The following SAMTOR variants were observed in gnomAD, a reference collection of about 807,000 sequenced individuals.
SAMTOR encodes the protein S-adenosylmethionine sensor upstream of mTORC1, also known as UPF0532 protein C7orf60.
the SAMTOR span, chr7:112,832,788 T>C: frequency 3.2e-6 from 2 of 625,562 alleles, no homozygotes; most frequent in Non-Finnish European, 5.7e-6. Flanking sequence ...ATATAAAAAT[T>C]ACTGACGGCC....
chr7:112,916,677 T>C, the SAMTOR span, among the ~76,000 whole-genome samples: 5 of 152,110 alleles, frequency 3.3e-5, no homozygotes, highest in South Asian at 1.0e-3. Context: ...GTCAGGGAGT[T>C]CCCTTTCCTA....
At chr7:112,885,031 C>G in the SAMTOR span, among the ~76,000 whole-genome samples, 3 of 152,234 alleles carry the variant, frequency 2.0e-5, no homozygotes, top group Non-Finnish European at 4.4e-5. Context: ...AGGCTCAACA[C>G]CATGTGGAAG....
At chr7:112,929,747 T>C in the SAMTOR span, among the ~76,000 whole-genome samples, 1 of 152,024 alleles carries the variant, frequency 6.6e-6, no homozygotes, top group Non-Finnish European at 1.5e-5. Context: ...TGCAAAGAAG[T>C]ATGAGAAAAT....
chr7:112,906,820 T>C, the SAMTOR span, among the ~76,000 whole-genome samples: 39 of 152,276 alleles, frequency 2.6e-4, no homozygotes, highest in Non-Finnish European at 4.0e-4. Flanking sequence ...TCTGCCCACC[T>C]CGGCCTCCCA....
At chr7:112,917,114 G>A in the SAMTOR span, among the ~76,000 whole-genome samples, 6 of 152,216 alleles carry the variant, frequency 3.9e-5, no homozygotes, top group South Asian at 2.1e-4. Flanking sequence ...CTCCCAGCAC[G>A]CAGCTGGAGA....
At chr7:112,856,422 G>T in the SAMTOR span, among the ~76,000 whole-genome samples, 1 of 151,824 alleles carries the variant, frequency 6.6e-6, no homozygotes, top group African/African-American at 2.4e-5. Context: ...GCTAATTTTT[G>T]TATTTTTAGT....
the SAMTOR span, among the ~76,000 whole-genome samples, chr7:112,924,302 G>GT: frequency 1.7e-4 from 26 of 151,908 alleles, no homozygotes; most frequent in East Asian, 1.4e-3. Flanking sequence ...CATCTAAGAG[G>GT]TTTTTTTTAA....
At chr7:112,892,671 C>T in the SAMTOR span, among the ~76,000 whole-genome samples, 1 of 151,740 alleles carries the variant, frequency 6.6e-6, no homozygotes, top group African/African-American at 2.4e-5. Context: ...ACTGGGGAGG[C>T]TGAGGTGGGA....
the SAMTOR span, among the ~76,000 whole-genome samples, chr7:112,926,246 G>T: frequency 6.6e-6 from 1 of 152,044 alleles, no homozygotes; most frequent in African/African-American, 2.4e-5. Flanking sequence ...TGCTATGTGA[G>T]GCAACACAGG....
chr7:112,893,825 C>G, the SAMTOR span, among the ~76,000 whole-genome samples: 1 of 152,208 alleles, frequency 6.6e-6, no homozygotes, highest in African/African-American at 2.4e-5. Flanking sequence ...TGGCGTGAAC[C>G]TGGGAGGCGG....
At chr7:112,878,091 T>C in the SAMTOR span, among the ~76,000 whole-genome samples, 2 of 152,194 alleles carry the variant, frequency 1.3e-5, no homozygotes, top group African/African-American at 2.4e-5. Context: ...TGTTTTAGCA[T>C]GTAGCAGAAG....
the SAMTOR span, chr7:112,821,764 G>A: frequency 1.2e-6 from 2 of 1,602,044 alleles, no homozygotes; most frequent in Admixed American, 3.5e-5. Context: ...AGTAATATGG[G>A]GTCTTCTAGC....
At chr7:112,821,674 G>A in the SAMTOR span, 2 of 1,415,344 alleles carry the variant, frequency 1.4e-6, no homozygotes, top group Non-Finnish European at 1.9e-6. Context: ...CTGAGTTCAT[G>A]TTAGTATTTC....
At chr7:112,838,629 C>T in the SAMTOR span, among the ~76,000 whole-genome samples, 2 of 151,668 alleles carry the variant, frequency 1.3e-5, no homozygotes, top group East Asian at 1.9e-4. Context: ...AATAAAACCA[C>T]TATAAACTAA....
the SAMTOR span, among the ~76,000 whole-genome samples, chr7:112,878,051 G>A: frequency 1.3e-5 from 2 of 152,108 alleles, no homozygotes; most frequent in South Asian, 4.1e-4. Flanking sequence ...TGGCTAAACC[G>A]AAAATGGCTG....
the SAMTOR span, among the ~76,000 whole-genome samples, chr7:112,931,784 T>G: frequency 6.6e-6 from 1 of 152,158 alleles, no homozygotes; most frequent in Non-Finnish European, 1.5e-5. Context: ...TAAAGCACAA[T>G]AGGTCAGTAT....
At chr7:112,887,611 C>T in the SAMTOR span, among the ~76,000 whole-genome samples, 1 of 152,120 alleles carries the variant, frequency 6.6e-6, no homozygotes, top group Admixed American at 6.5e-5. Flanking sequence ...ATTATTTCTT[C>T]AATTTCTGTA....
At chr7:112,881,829 C>A in the SAMTOR span, among the ~76,000 whole-genome samples, 362 of 152,256 alleles carry the variant, frequency 2.4e-3, 4 homozygotes, top group African/African-American at 7.7e-3. Context: ...TTCCTGGATA[C>A]GGGAAAAGAA....
At chr7:112,932,078 A>C in the SAMTOR span, among the ~76,000 whole-genome samples, 3 of 152,006 alleles carry the variant, frequency 2.0e-5, no homozygotes, top group Non-Finnish European at 4.4e-5. Context: ...GGCACATGCC[A>C]CCACACCCGG....
Sources: allele counts gnomAD v4.1 joint callset (sites outside exome capture counted in the v4.1 genomes callset), GRCh38; gene constraint gnomAD v4.1.1; transcripts MANE v1.5; gene names NCBI Gene and HGNC (gene_info 2026-07-23, HGNC 2026-07-21).